Variants in BCL2L1 observed in about 807,000 individuals in gnomAD.
BCL2L1 encodes BCL2 like 1.
Under a neutral mutation model 18.7 loss-of-function variants are expected in BCL2L1, and 1 was observed. The ratio of observed to expected loss-of-function variants is 0.05; its 90% CI spans 0.02 to 0.25. The LOEUF is 0.25. Ranked by LOEUF, BCL2L1 falls within the 10% of genes least tolerant of loss-of-function variation. BCL2L1 has a pLI of 1.00. For synonymous variants in BCL2L1, 103 were observed against 122.7 expected (o/e 0.84, Z 1.06); for missense variants, 207 against 304.9 (o/e 0.68, Z 2.39).
upstream of BCL2L1, chr20:31,723,315 G>A (rs1425471596): frequency 1.0e-6 from 1 of 985,792 alleles, no homozygotes. Context: ...CCTGCACAAA[G>A]ACTGGGTGAG....
chr20:31,709,727 C>T (rs756108523), intron 2 of BCL2L1, among the ~76,000 whole-genome samples: 6 of 149,392 alleles, frequency 4.0e-5, no homozygotes, highest in South Asian at 2.1e-4. Flanking sequence ...CCCAGCTACC[C>T]GGGAGGCTGA....
intron 2 of BCL2L1, among the ~76,000 whole-genome samples, chr20:31,687,329 G>C (rs2060974819): frequency 6.6e-6 from 1 of 151,878 alleles, no homozygotes; most frequent in Admixed American, 6.6e-5. Context: ...GTGACTTGAG[G>C]CTCTCTATAG....
intron 2 of BCL2L1, among the ~76,000 whole-genome samples, chr20:31,667,441 A>G (rs2060604142): frequency 6.6e-6 from 1 of 151,354 alleles, no homozygotes; most frequent in South Asian, 2.1e-4. Context: ...AGTCTGGGTG[A>G]CAGAGACTCC....
intron 2 of BCL2L1, among the ~76,000 whole-genome samples, chr20:31,697,892 G>GTTTTTTTTTGTTTGTTTGTT (rs1555871506): frequency 7.7e-6 from 1 of 129,640 alleles, no homozygotes; most frequent in African/African-American, 3.3e-5. Flanking sequence ...TGCTGTTGCT[G>GTTTTTTTTTGTTTGTTTGTT]TTTTTTTTTT....
In BCL2L1 at chr20:31,683,769, C is replaced by CAAAAAAAAAA. The variant is rs372160646; in HGVS notation, c.565-17693_565-17684dup. ...GGGCAACAAGAGTGAAACTCCATCT[C>CAAAAAAAAAA]AAAAAAAAAAAAAAAAAAAAAAAAA... On this transcript the variant is annotated intron_variant, in intron 2 of 2. Transcript: ENST00000307677. Among the ~76,000 whole-genome samples the CAAAAAAAAAA allele has an allele frequency of 6.2e-5, 5 of 80,716 alleles. 1 individual carries two copies. Among genetic ancestry groups the CAAAAAAAAAA allele is most frequent in the Non-Finnish European group, 8.8e-5 (3 of 34,202 alleles). 53.0% of individuals were successfully genotyped at this position (80,716 alleles called of 152,430 possible).
chr20:31,684,721 T>A (rs1248899655), intron 2 of BCL2L1, among the ~76,000 whole-genome samples: 1 of 152,172 alleles, frequency 6.6e-6, no homozygotes, highest in African/African-American at 2.4e-5. Context: ...CCAAACCCTA[T>A]TAAGAAGGGA....
chr20:31,719,074 T>A (rs1210566403), intron 2 of BCL2L1, among the ~76,000 whole-genome samples: 1 of 152,196 alleles, frequency 6.6e-6, no homozygotes, highest in African/African-American at 2.4e-5. Context: ...AAACTGGGAA[T>A]AAACTCACCT....
chr20:31,688,010 C>A (rs1418085891), intron 2 of BCL2L1, among the ~76,000 whole-genome samples: 1 of 152,200 alleles, frequency 6.6e-6, no homozygotes, highest in Non-Finnish European at 1.5e-5. Context: ...CTTCACTTAT[C>A]TCATCTAAAA....
At chr20:31,723,846 A>G (rs542238345), upstream of BCL2L1, 14 of 985,304 alleles carry the variant, frequency 1.4e-5, no homozygotes, top group South Asian at 6.1e-4. Context: ...GGGCCGGCCT[A>G]CCTGGCTGCC....
chr20:31,699,785 A>AT (rs2061246288), intron 2 of BCL2L1, among the ~76,000 whole-genome samples: 1 of 152,228 alleles, frequency 6.6e-6, no homozygotes, highest in Admixed American at 6.5e-5. Context: ...AGTAGGGCTA[A>AT]TGGACCATTT....
intron 2 of BCL2L1, among the ~76,000 whole-genome samples, chr20:31,696,413 C>T (rs997447575): frequency 8.5e-5 from 13 of 152,152 alleles, no homozygotes; most frequent in African/African-American, 3.1e-4. Flanking sequence ...CTACTTGTGC[C>T]TGCACCCATG....
rs560587668 is a variant in BCL2L1 at position 31,721,490 on chromosome 20, C to T, written c.564+165G>A. 5.9e-5 allele frequency: 47 copies of T among 794,520 alleles called. No individual in the cohort carries two copies. In the East Asian group the frequency reaches 9.3e-4, roughly 16 times the overall value. 49.2% of individuals were successfully genotyped at this position (794,520 alleles called of 1,614,324 possible). ...TGAAGCACAGGGTCATTTGTATTTC[C>T]AAGGAGTTAACCTCTTGTGGTGAAA... On this transcript the variant is annotated intron_variant, in intron 2 of 2. Transcript: ENST00000307677.
At chr20:31,674,952 G>A (rs2060735880) in intron 2 of BCL2L1, among the ~76,000 whole-genome samples, 1 of 152,000 alleles carries the variant, frequency 6.6e-6, no homozygotes, top group African/African-American at 2.4e-5. Flanking sequence ...CTGAGCCAGG[G>A]CCATGGCCCT....
intron 2 of BCL2L1, among the ~76,000 whole-genome samples, chr20:31,694,135 C>A (rs967437831): frequency 1.3e-5 from 2 of 152,158 alleles, no homozygotes; most frequent in African/African-American, 2.4e-5. Flanking sequence ...TCAAGCACCA[C>A]GCCCAGGAAC....
chr20:31,708,394 T>TA (rs2122756261), intron 2 of BCL2L1, among the ~76,000 whole-genome samples: 1 of 152,310 alleles, frequency 6.6e-6, no homozygotes, highest in African/African-American at 2.4e-5. Flanking sequence ...AATGCCAAGG[T>TA]ACCTTTTGGA....
intron 2 of BCL2L1, among the ~76,000 whole-genome samples, chr20:31,688,502 AAAAAG>A (rs1314806379): frequency 6.6e-6 from 1 of 152,028 alleles, no homozygotes; most frequent in Non-Finnish European, 1.5e-5. Context: ...AAAGAAAAAG[AAAAAG>A]AAATGTGCTG....
chr20:31,723,888 T>C, upstream of BCL2L1: 1 of 985,254 alleles, frequency 1.0e-6, no homozygotes, highest in Non-Finnish European at 1.2e-6. Context: ...GCGCCGTCTC[T>C]CCCGAACAAG....
chr20:31,679,033 G>T (rs2060810939), intron 2 of BCL2L1, among the ~76,000 whole-genome samples: 1 of 152,200 alleles, frequency 6.6e-6, no homozygotes, highest in African/African-American at 2.4e-5. Context: ...TCCACTGACT[G>T]TCAGCCTCAT....
chr20:31,676,654 T>C (rs1455398816), intron 2 of BCL2L1, among the ~76,000 whole-genome samples: 1 of 152,136 alleles, frequency 6.6e-6, no homozygotes, highest in East Asian at 1.9e-4. Flanking sequence ...CCAGGGACCT[T>C]ACAGCATGCC....
Sources: gnomAD v4.1 joint callset for allele counts (sites outside exome capture counted in the v4.1 genomes callset) on GRCh38, gnomAD v4.1.1 for gene constraint, MANE v1.5 for transcripts, NCBI Gene and HGNC (gene_info 2026-07-23, HGNC 2026-07-21) for gene names.